Variants in GRIN2A observed in about 807,000 individuals in gnomAD.
GRIN2A encodes glutamate ionotropic receptor NMDA type subunit 2A.
GRIN2A carries 22 observed loss-of-function variants against 113.4 expected under a neutral mutation model. The observed-to-expected ratio is 0.19, with a 90% CI of 0.14 to 0.28. The LOEUF is 0.28. GRIN2A is among the 10% of genes least tolerant of loss of function. The pLI is 1.00. For missense variants in GRIN2A, 1,502 were observed against 1,887.0 expected, an observed-to-expected ratio of 0.80 and a Z score of 3.78; for synonymous variants, 827 against 738.4, an observed-to-expected ratio of 1.12 and a Z score of -1.94.
At chr16:10,086,284 A>G (rs557984539) in intron 2 of GRIN2A, among the ~76,000 whole-genome samples, 2 of 152,300 alleles carry the variant, frequency 1.3e-5, no homozygotes, top group Middle Eastern at 3.4e-3. Flanking sequence ...CCACAGTGAC[A>G]CTGCCATCAG....
chr16:9,797,564 G>T (rs564885002), intron 11 of GRIN2A, among the ~76,000 whole-genome samples: 2 of 152,262 alleles, frequency 1.3e-5, no homozygotes, highest in East Asian at 3.9e-4. Flanking sequence ...TCCTCCACGG[G>T]ATAAGAACAT....
chr16:9,970,234 C>T (rs1319598488), intron 2 of GRIN2A, among the ~76,000 whole-genome samples: 1 of 152,100 alleles, frequency 6.6e-6, no homozygotes. Flanking sequence ...TAGCACTATT[C>T]CAGAAAAAAA....
intron 2 of GRIN2A, among the ~76,000 whole-genome samples, chr16:10,061,196 C>A (rs2047545385): frequency 1.3e-5 from 2 of 152,106 alleles, no homozygotes; most frequent in African/African-American, 2.4e-5. Flanking sequence ...GCTCCAGCAG[C>A]CATCTTGGAT....
intron 2 of GRIN2A, among the ~76,000 whole-genome samples, chr16:10,078,909 C>T (rs2047930116): frequency 6.6e-6 from 1 of 152,244 alleles, no homozygotes; most frequent in African/African-American, 2.4e-5. Flanking sequence ...CAATTGCAAA[C>T]ACTGTTGTGC....
intron 2 of GRIN2A, among the ~76,000 whole-genome samples, chr16:10,076,419 T>C (rs762043289): frequency 5.9e-5 from 9 of 152,086 alleles, no homozygotes; most frequent in Admixed American, 2.0e-4. Flanking sequence ...GGTGGGGACC[T>C]AAAAGCTAAA....
intron 2 of GRIN2A, among the ~76,000 whole-genome samples, chr16:10,070,866 C>T (rs1480410833): frequency 6.6e-6 from 1 of 152,212 alleles, no homozygotes; most frequent in African/African-American, 2.4e-5. Flanking sequence ...GTCTGCTTTT[C>T]TCATGGGTAC....
At chr16:9,792,926 G>T (rs1902706207) in intron 11 of GRIN2A, among the ~76,000 whole-genome samples, 1 of 152,216 alleles carries the variant, frequency 6.6e-6, no homozygotes, top group African/African-American at 2.4e-5. Context: ...CTCTATAAAA[G>T]TCTGAACAGG....
At chr16:9,960,036 T>C (rs1422096568) in intron 2 of GRIN2A, among the ~76,000 whole-genome samples, 2 of 152,076 alleles carry the variant, frequency 1.3e-5, no homozygotes, top group Non-Finnish European at 2.9e-5. Flanking sequence ...AACCACATAA[T>C]TGAGCAATAT....
intron 2 of GRIN2A, among the ~76,000 whole-genome samples, chr16:10,123,310 C>T (rs2048868446): frequency 6.6e-6 from 1 of 152,180 alleles, no homozygotes; most frequent in Admixed American, 6.5e-5. Flanking sequence ...ACTATGTCAA[C>T]AACATCCTGC....
chr16:10,119,893 G>T (rs1274463178), intron 2 of GRIN2A, among the ~76,000 whole-genome samples: 1 of 152,108 alleles, frequency 6.6e-6, no homozygotes, highest in South Asian at 2.1e-4. Flanking sequence ...CTCCATCCAT[G>T]TTGCTGCAAA....
chr16:9,850,962 A>C (rs2042873118), intron 4 of GRIN2A, among the ~76,000 whole-genome samples: 1 of 152,072 alleles, frequency 6.6e-6, no homozygotes, highest in Non-Finnish European at 1.5e-5. Context: ...GCTTGACACC[A>C]CAGGTCACCG....
At chr16:9,961,214 G>A (rs1213387103) in intron 2 of GRIN2A, among the ~76,000 whole-genome samples, 1 of 152,148 alleles carries the variant, frequency 6.6e-6, no homozygotes, top group African/African-American at 2.4e-5. Context: ...TGTGGTCCCG[G>A]AGGAAGACAT....
At chr16:9,767,405 TTTA>T (rs1368663592) in intron 12 of GRIN2A, among the ~76,000 whole-genome samples, 1 of 152,116 alleles carries the variant, frequency 6.6e-6, no homozygotes, top group Non-Finnish European at 1.5e-5. Context: ...TTTTTATTTA[TTTA>T]TTTTTATTAT....
intron 2 of GRIN2A, among the ~76,000 whole-genome samples, chr16:9,990,983 C>A (rs2046101317): frequency 6.6e-6 from 1 of 152,086 alleles, no homozygotes; most frequent in Non-Finnish European, 1.5e-5. Flanking sequence ...AGGAGAATGG[C>A]TTGAGCCTGG....
chr16:10,124,514 C>T (rs2048892111), intron 2 of GRIN2A, among the ~76,000 whole-genome samples: 1 of 152,138 alleles, frequency 6.6e-6, no homozygotes, highest in South Asian at 2.1e-4. Flanking sequence ...GGGCAGGATT[C>T]CTTGGTGCTT....
chr16:9,799,964 ATATTAT>A (rs71400498), intron 10 of GRIN2A, among the ~76,000 whole-genome samples: 43,624 of 149,576 alleles, frequency 0.29, 6,340 homozygotes, highest in Non-Finnish European at 0.32. Flanking sequence ...CTGTGCCTAA[ATATTAT>A]TATTATTATT....
chr16:10,121,689 A>T (rs1450652661), intron 2 of GRIN2A: 1 of 152,230 alleles, frequency 6.6e-6, no homozygotes, highest in Non-Finnish European at 1.5e-5. Flanking sequence ...TGAGATCATT[A>T]TGCTGCTTCT....
intron 2 of GRIN2A, among the ~76,000 whole-genome samples, chr16:10,113,190 C>T (rs1284471466): frequency 6.6e-6 from 1 of 152,130 alleles, no homozygotes; most frequent in African/African-American, 2.4e-5. Context: ...GCCCCCACCC[C>T]AGGGACAGGA....
intron 2 of GRIN2A, among the ~76,000 whole-genome samples, chr16:9,983,191 T>A (rs2045922749): frequency 6.6e-6 from 1 of 152,200 alleles, no homozygotes; most frequent in Non-Finnish European, 1.5e-5. Flanking sequence ...TCCTACAGTG[T>A]GATAGAATAC....
Sources: gnomAD v4.1 joint callset for allele counts (sites outside exome capture counted in the v4.1 genomes callset) on GRCh38, gnomAD v4.1.1 for gene constraint, MANE v1.5 for transcripts, NCBI Gene and HGNC (gene_info 2026-07-23, HGNC 2026-07-21) for gene names.